DNAJC13: variants seen among roughly 807,000 people sequenced by gnomAD.
DNAJC13 encodes the protein dnaJ homolog subfamily C member 13.
Under a neutral mutation model 290.5 loss-of-function variants are expected in DNAJC13, and 75 were observed. That is an observed-to-expected ratio of 0.26 (90% CI 0.21 to 0.31). DNAJC13 has a LOEUF of 0.31. Among genes scored for constraint, DNAJC13 ranks in the 10% least tolerant of loss-of-function variants. The pLI is 1.00. For missense variants in DNAJC13, 2,260 were observed against 2,674.5 expected (o/e 0.85, Z 3.42); for synonymous variants, 862 against 892.0 (o/e 0.97, Z 0.60).
chr3:132,452,638 A>G (rs1368200229), intron 6 of DNAJC13, among the ~76,000 whole-genome samples: 1 of 152,254 alleles, frequency 6.6e-6, no homozygotes, highest in East Asian at 1.9e-4. Flanking sequence ...TGATGCTTAA[A>G]GGAAATGCTT....
chr3:132,427,816 A>G (rs1364762856), intron 1 of DNAJC13, among the ~76,000 whole-genome samples: 5 of 150,168 alleles, frequency 3.3e-5, no homozygotes, highest in African/African-American at 1.2e-4. Context: ...GGGTTATCTC[A>G]TTTAGTCCTC....
chr3:132,477,609 C>T (rs191943242), intron 22 of DNAJC13, among the ~76,000 whole-genome samples, 180 bp from the exon 23 acceptor site: 2 of 152,242 alleles, frequency 1.3e-5, no homozygotes, highest in East Asian at 3.9e-4. Flanking sequence ...GCAGGTCTTA[C>T]ATTTATAAAA....
intron 29 of DNAJC13, among the ~76,000 whole-genome samples, chr3:132,487,403 C>A (rs989102610): frequency 2.6e-5 from 4 of 151,270 alleles, no homozygotes; most frequent in Non-Finnish European, 5.9e-5. Context: ...ATTACAGGCA[C>A]CTGCCACCAT....
chr3:132,441,980 A>G (rs962388330), intron 2 of DNAJC13, among the ~76,000 whole-genome samples: 1 of 151,832 alleles, frequency 6.6e-6, no homozygotes, highest in African/African-American at 2.4e-5. Context: ...TATAGTACCT[A>G]ATAGAGTATC....
chr3:132,458,015 G>T (rs1404130919), intron 13 of DNAJC13: 1 of 152,120 alleles, frequency 6.6e-6, no homozygotes, highest in East Asian at 1.9e-4. Flanking sequence ...AATGTGATCA[G>T]GTTTGAGTTT....
At chr3:132,470,912 C>G (rs1179836950) in intron 20 of DNAJC13, among the ~76,000 whole-genome samples, 17 of 129,526 alleles carry the variant, frequency 1.3e-4, no homozygotes, top group African/African-American at 3.9e-4. Flanking sequence ...ACCTCCCTCC[C>G]GGACGGGGCG....
chr3:132,526,064 A>G (rs1335685058), intron 52 of DNAJC13, 77 bp from the exon 53 acceptor site: 1 of 1,526,344 alleles, frequency 6.6e-7, no homozygotes, highest in Non-Finnish European at 8.8e-7. Context: ...TTACTTATTT[A>G]CTTATTTTGT....
intron 26 of DNAJC13, among the ~76,000 whole-genome samples, chr3:132,480,833 T>C (rs1401178780): frequency 2.0e-5 from 3 of 152,214 alleles, no homozygotes; most frequent in African/African-American, 7.2e-5. Context: ...ACCTTCTTGA[T>C]ACCAGCCAAG....
chr3:132,536,176 A>G (rs2107760660), intron 55 of DNAJC13, among the ~76,000 whole-genome samples: 1 of 152,336 alleles, frequency 6.6e-6, no homozygotes, highest in African/African-American at 2.4e-5. Flanking sequence ...AGTTGTTTGT[A>G]TGGTGGTCAG....
At chr3:132,427,311 A>AT (rs1220830021) in intron 1 of DNAJC13, among the ~76,000 whole-genome samples, 18 of 151,592 alleles carry the variant, frequency 1.2e-4, no homozygotes, top group Admixed American at 6.6e-5. Context: ...AATTTTTTGT[A>AT]TTTTTAGTAG....
intron 50 of DNAJC13, 119 bp downstream of exon 50, chr3:132,523,318 C>A: frequency 7.7e-7 from 1 of 1,292,012 alleles, no homozygotes; most frequent in Non-Finnish European, 1.1e-6. Flanking sequence ...TGGGTATTCC[C>A]CTGGAAAATA....
At chr3:132,450,487 GTTAAAA>G (rs1933385628) in intron 5 of DNAJC13, among the ~76,000 whole-genome samples, 154 bp from the exon 6 acceptor site, 1 of 152,106 alleles carries the variant, frequency 6.6e-6, no homozygotes, top group East Asian at 1.9e-4. Context: ...CCTCCAAATA[GTTAAAA>G]TTAATCATAG....
intron 2 of DNAJC13, among the ~76,000 whole-genome samples, chr3:132,436,465 G>T (rs1360040617): frequency 6.6e-6 from 1 of 152,158 alleles, no homozygotes; most frequent in Non-Finnish European, 1.5e-5. Context: ...ACAGACATTT[G>T]TGTTGTTCTT....
At chr3:132,450,551 AT>A in intron 5 of DNAJC13, 95 bp from the exon 6 acceptor site, 1 of 795,320 alleles carries the variant, frequency 1.3e-6, no homozygotes, top group Non-Finnish European at 1.9e-6. Flanking sequence ...TGACAGTTAG[AT>A]TTTTGGTCGT....
Position 132,518,941 on chromosome 3 carries a change from T to C in DNAJC13, c.5673+2125T>C, listed in dbSNP as rs80022519. The stretch of plus-strand genomic sequence containing the variant: ...TGGGCATTGTATATAAATGGAATCA[T>C]ACTATGTATGGTCTTTTGTGACTGG... On this transcript the variant is annotated intron_variant, in intron 48 of 55. Coordinates refer to ENST00000260818, the MANE Select transcript of DNAJC13 (RefSeq NM_015268.4). Among the ~76,000 whole-genome samples, 1,125 of 152,346 alleles carry C rather than the reference T, an allele frequency of 7.4e-3. 24 individuals carry two copies. The highest frequency in any genetic ancestry group is 0.025 in the African/African-American group (1,048 of 41,576).
At chr3:132,490,091 A>G (rs943523401) in intron 31 of DNAJC13, among the ~76,000 whole-genome samples, 4 of 152,218 alleles carry the variant, frequency 2.6e-5, no homozygotes, top group Non-Finnish European at 5.9e-5. Flanking sequence ...TCTTTACCCA[A>G]AAGTTTAACA....
In DNAJC13 at chr3:132,505,197, T is replaced by C. The variant is rs1935545858; in HGVS notation, c.4885-105T>C. The C allele has an allele frequency of 1.8e-5, 12 of 680,924 alleles. No individual in the cohort carries two copies. In the Admixed American group the frequency reaches 3.2e-4, roughly 18 times the overall value. 42.2% of individuals were successfully genotyped at this position (680,924 alleles called of 1,614,324 possible). A position where few individuals can be genotyped will look rare whatever the true frequency, so the allele number is the denominator to read the frequency against. On this transcript the variant is annotated intron_variant, in intron 41 of 55. Coordinates refer to ENST00000260818, the MANE Select transcript of DNAJC13 (RefSeq NM_015268.4). ...CTTATTATTGAGGTCCATTATACTATAGGCAACTATTATAGTGTTTGGCCT... is the reference window on the plus strand; with the variant it reads ...CTTATTATTGAGGTCCATTATACTACAGGCAACTATTATAGTGTTTGGCCT...
chr3:132,444,715 G>A (rs896760676), intron 2 of DNAJC13, among the ~76,000 whole-genome samples: 2 of 152,154 alleles, frequency 1.3e-5, no homozygotes, highest in Non-Finnish European at 2.9e-5. Context: ...CAAAGACTGA[G>A]CAAAATCTTA....
At chr3:132,510,012 CT>C (rs1193336793) in intron 43 of DNAJC13, among the ~76,000 whole-genome samples, 1 of 152,102 alleles carries the variant, frequency 6.6e-6, no homozygotes, top group African/African-American at 2.4e-5. Flanking sequence ...TTGTGAGCCT[CT>C]TTATCTTGAT....
Sources: gnomAD v4.1 joint callset for allele counts (sites outside exome capture counted in the v4.1 genomes callset) on GRCh38, gnomAD v4.1.1 for gene constraint, MANE v1.5 for transcripts, NCBI Gene and HGNC (gene_info 2026-07-23, HGNC 2026-07-21) for gene names.